FRY: variants seen among roughly 807,000 people sequenced by gnomAD.
FRY encodes the protein protein furry homolog.
FRY carries 128 observed loss-of-function variants against 348.4 expected under a neutral mutation model. The observed-to-expected ratio is 0.37, with a 90% CI of 0.32 to 0.43. The LOEUF (loss-of-function observed/expected upper bound fraction) is 0.43, where lower values mean the gene tolerates loss of function less well. Ranked by LOEUF, FRY falls within the 20% of genes least tolerant of loss-of-function variation. The pLI is 1.00. For missense variants in FRY, 2,736 were observed against 3,695.2 expected (o/e 0.74, Z 6.73); for synonymous variants, 1,370 against 1,374.7 (o/e 1.00, Z 0.08).
intron 2 of FRY, among the ~76,000 whole-genome samples, chr13:32,087,953 C>T (rs1158858785): frequency 6.6e-6 from 1 of 152,228 alleles, no homozygotes. Context: ...TTACTAACCT[C>T]AGCCATATGA....
intron 29 of FRY, 66 bp downstream of exon 29, chr13:32,194,363 G>T: frequency 7.0e-7 from 1 of 1,429,768 alleles, no homozygotes; most frequent in Non-Finnish European, 9.9e-7. Context: ...TGATATGAAT[G>T]ACGGAGAGCT....
Position 32,161,269 on chromosome 13 carries a change from T to C in FRY, c.1892+18T>C, listed in dbSNP as rs1260891350. ...CTGGCTAGGTAGGTGAGAATATTAT[T>C]TGGCCAAAATTAATTTCGATCCTTT... On this transcript the variant is annotated intron_variant, in intron 17 of 60. Coordinates refer to ENST00000542859, the MANE Select transcript of FRY (RefSeq NM_023037.3). 7 of 1,414,252 alleles carry C rather than the reference T, an allele frequency of 4.9e-6. No homozygotes were observed. The South Asian group carries it at 5.7e-5, about 12-fold the overall frequency. 87.6% of individuals were successfully genotyped at this position (1,414,252 alleles called of 1,614,324 possible).
At chr13:32,042,746 C>T (rs757586486) in intron 1 of FRY, among the ~76,000 whole-genome samples, 27 of 152,202 alleles carry the variant, frequency 1.8e-4, no homozygotes, top group Non-Finnish European at 3.5e-4. Context: ...TCTTGCTTCT[C>T]TCTGATAGGA....
At chr13:32,202,325 A>G (rs779950767) in intron 30 of FRY, 31 bp from the exon 31 acceptor site, 1 of 1,555,596 alleles carries the variant, frequency 6.4e-7, no homozygotes, top group Non-Finnish European at 8.9e-7. Context: ...TGCTTTTCAT[A>G]CTACTTTTTT....
rs1316255549 is a variant in FRY at position 32,296,383 on chromosome 13, T to TA, written c.*924dup. On this transcript the variant is annotated 3_prime_UTR_variant, in exon 61 of 61. Transcript: ENST00000542859. ...ATCATAAAGGTAAAATATGAGTTGTTACTTTGTTTCTTCGATGTCATATTT... is the reference window on the plus strand; with the variant it reads ...ATCATAAAGGTAAAATATGAGTTGTTAACTTTGTTTCTTCGATGTCATATTT... The TA allele has an allele frequency of 1.4e-4, 22 of 152,654 alleles. No homozygotes were observed. Among genetic ancestry groups the TA allele is most frequent in the African/African-American group, 4.6e-4 (19 of 41,448 alleles). The allele number at this position is 152,654 out of a possible 1,614,324, so 9.5% of individuals were successfully genotyped here.
At chr13:32,151,578 G>A (rs1880795980) in intron 14 of FRY, among the ~76,000 whole-genome samples, 1 of 152,204 alleles carries the variant, frequency 6.6e-6, no homozygotes, top group South Asian at 2.1e-4. Flanking sequence ...AACAAGGCCT[G>A]GAGATCTAAA....
intron 3 of FRY, among the ~76,000 whole-genome samples, chr13:32,108,449 T>C (rs1877722421): frequency 6.6e-6 from 1 of 152,182 alleles, no homozygotes; most frequent in Admixed American, 6.5e-5. Context: ...ATTGATCAAT[T>C]TAGTTGATGC....
intron 10 of FRY, among the ~76,000 whole-genome samples, chr13:32,135,549 A>C (rs1323029218): frequency 2.6e-5 from 4 of 152,206 alleles, no homozygotes; most frequent in African/African-American, 9.7e-5. Context: ...TGCCCTGGCA[A>C]ATTTCTATCT....
At chr13:32,088,159 T>C (rs1876011593) in intron 2 of FRY, among the ~76,000 whole-genome samples, 1 of 152,226 alleles carries the variant, frequency 6.6e-6, no homozygotes, top group Non-Finnish European at 1.5e-5. Context: ...CAGCTAGTCT[T>C]GTTGGTCAAA....
At chr13:32,102,870 G>A (rs760216942) in intron 3 of FRY, among the ~76,000 whole-genome samples, 7 of 152,204 alleles carry the variant, frequency 4.6e-5, no homozygotes, top group Admixed American at 1.3e-4. Flanking sequence ...GCCAACGTCA[G>A]ACACAAAATA....
chr13:32,234,793 G>A (rs111243616), intron 42 of FRY, 32 bp downstream of exon 42: 1 of 1,533,304 alleles, frequency 6.5e-7, no homozygotes, highest in South Asian at 1.1e-5. Flanking sequence ...AGCTCGTGAA[G>A]GATGAGCTCT....
rs1036061175 is a variant in FRY, at chr13:32,161,218, T to C, written c.1859T>C (p.Met620Thr). Residue 620 changes from methionine (M) to threonine (T), a missense_variant, in exon 17 of 61, where the codon ATG (methionine) becomes ACG (threonine). By Grantham distance (81) the Met-to-Thr change is moderately conservative. Around this residue, in one of 9 missense-constraint regions of FRY, gnomAD observed 191 missense variants for 370.2 expected, o/e 0.52. Coordinates refer to ENST00000542859, the MANE Select transcript of FRY (RefSeq NM_023037.3). The stretch of plus-strand genomic sequence containing the variant: ...ATTCCTCGACTGCTTCCTGATGGGA[T>C]GTCAAAACTTGAACTTATTGACTTA... ...AAIPRLLPDG[M>T]SKLELIDLLA... 1 of 1,612,010 alleles carries C rather than the reference T, an allele frequency of 6.2e-7. No individual in the cohort carries two copies. The highest frequency in any genetic ancestry group is 1.7e-5 in the Admixed American group (1 of 60,010).
Position 32,244,085 on chromosome 13 carries a change from A to C in FRY, c.6731A>C (p.Gln2244Pro). The part of the protein sequence containing the change: ...GLPSVQQPLL[Q>P]VIYSLLSYMD... ...CCTAGTGTGCAGCAGCCCCTGCTCC[A>C]GGTGATCTACAGTCTTCTCAGCTAC... The change falls in exon 47 of 61, where the codon CAG (glutamine) becomes CCG (proline). Residue 2244 changes from glutamine to proline, a missense_variant. Coordinates refer to ENST00000542859, the MANE Select transcript of FRY (RefSeq NM_023037.3). 6.2e-7 allele frequency: 1 copy of C among 1,614,060 alleles called. No individual in the cohort carries two copies.
At position 32,265,592 on chromosome 13, in the gene FRY, C is replaced by A. The variant is rs756892180; in HGVS notation, c.7922C>A (p.Ala2641Glu). The change falls in exon 54 of 61, where the codon GCA becomes GAA. Residue 2641 changes from alanine (A) to glutamate (E), a missense_variant. Coordinates refer to ENST00000542859, the MANE Select transcript of FRY (RefSeq NM_023037.3). Reference protein sequence around the residue: ...MTEGEEKGNRALDQFTLASFG... With the variant: ...MTEGEEKGNRELDQFTLASFG... ...GAGGGGGAAGAAAAAGGCAATCGGGCACTGGACCAGTTTACCCTGGCGAGG... is the reference window on the plus strand; with the variant it reads ...GAGGGGGAAGAAAAAGGCAATCGGGAACTGGACCAGTTTACCCTGGCGAGG... 1 of 1,614,134 alleles carries A rather than the reference C, an allele frequency of 6.2e-7. No individual in the cohort carries two copies.
At chr13:32,164,070 C>T (rs113953739) in intron 17 of FRY, among the ~76,000 whole-genome samples, 1 of 152,134 alleles carries the variant, frequency 6.6e-6, no homozygotes, top group Non-Finnish European at 1.5e-5. Context: ...AGTAAGCGAC[C>T]TGCACATAGA....
At chr13:32,163,766 C>A (rs1045342271) in intron 17 of FRY, among the ~76,000 whole-genome samples, 1 of 152,228 alleles carries the variant, frequency 6.6e-6, no homozygotes, top group Admixed American at 6.5e-5. Context: ...TGGTGCCAGG[C>A]GTGTTGGGAG....
In FRY at chr13:32,210,913, C is replaced by T. The variant is rs772991851; in HGVS notation, c.4470C>T (p.Thr1490=). 13 of 1,613,778 alleles carry T rather than the reference C, an allele frequency of 8.1e-6. No homozygotes were observed. Among genetic ancestry groups the T allele is most frequent in the African/African-American group, 1.3e-5 (1 of 74,916 alleles). ...TGTGCCGTAACAACACCATTCAAAC[C>T]ATGGAAGAGCTTCTCTTTGAGCTGC... ...IYLCRNNTIQ[T]MEELLFELQQ... is the part of the protein sequence containing the mutation. Residue 1490 remains threonine, a synonymous_variant, in exon 34 of 61, where the codon ACC becomes ACT. Coordinates refer to ENST00000542859, the MANE Select transcript of FRY (RefSeq NM_023037.3).
chr13:32,187,437 A>T, intron 27 of FRY, 109 bp from the exon 28 acceptor site: 2 of 721,094 alleles, frequency 2.8e-6, no homozygotes, highest in Admixed American at 3.9e-5. Context: ...GTGTCTTTAG[A>T]GGGCCCTTAT....
chr13:32,033,558 C>T (rs1213197157), intron 1 of FRY, among the ~76,000 whole-genome samples: 1 of 152,218 alleles, frequency 6.6e-6, no homozygotes, highest in Admixed American at 6.5e-5. Flanking sequence ...CTCCTCTCCC[C>T]ACATACATAC....
Sources: allele counts gnomAD v4.1 joint callset (sites outside exome capture counted in the v4.1 genomes callset), GRCh38; gene constraint gnomAD v4.1.1; regional missense constraint gnomAD v4.1.1; transcripts MANE v1.5; gene names NCBI Gene and HGNC (gene_info 2026-07-23, HGNC 2026-07-21).